RORA: variants seen among roughly 807,000 people sequenced by gnomAD.
The protein encoded by RORA is RAR related orphan receptor A.
In RORA, 7 loss-of-function variants were observed where a neutral mutation model predicts 69.5. The ratio of observed to expected loss-of-function variants is 0.10; its 90% CI spans 0.06 to 0.19. The LOEUF is 0.19. RORA is among the 10% of genes least tolerant of loss of function. The pLI, the probability that RORA is intolerant of heterozygous loss-of-function variation, is 1.00. For synonymous variants in RORA, 261 were observed against 240.8 expected, an observed-to-expected ratio of 1.08 and a Z score of -0.78; for missense variants, 457 against 663.0, an observed-to-expected ratio of 0.69 and a Z score of 3.41.
At chr15:61,175,541 T>TAA (rs75174095) in intron 1 of RORA, among the ~76,000 whole-genome samples, 18 of 120,194 alleles carry the variant, frequency 1.5e-4, no homozygotes, top group African/African-American at 4.1e-4. Context: ...ATCCTGTTTC[T>TAA]AAAAAAAAAA....
At chr15:60,763,096 T>TTTTTTTTTTTTTTTTTTTTTTA (rs375632043) in intron 1 of RORA, among the ~76,000 whole-genome samples, 2 of 109,366 alleles carry the variant, frequency 1.8e-5, no homozygotes, top group African/African-American at 2.9e-5. Flanking sequence ...TTTTTTTTTT[T>TTTTTTTTTTTTTTTTTTTTTTA]AACCAACCTA....
At chr15:60,569,037 G>A (rs940529797) in intron 2 of RORA, among the ~76,000 whole-genome samples, 5 of 151,380 alleles carry the variant, frequency 3.3e-5, no homozygotes, top group African/African-American at 1.2e-4. Context: ...TTTGTGGTTA[G>A]TGTCTTTTCA....
rs142749331 is a variant in RORA at position 60,774,198 on chromosome 15, A to T, written c.167-95512T>A. ...AGTTCCCTGCTTTCTACCTCAGGGA[A>T]CCTGATCATGTTATCGCTCTGAATG... On this transcript the variant is annotated intron_variant, in intron 1 of 10. Transcript: ENST00000335670. 1.3e-3 allele frequency among the ~76,000 whole-genome samples: 200 copies of T among 152,092 alleles called. 3 individuals carry two copies. The highest frequency in any genetic ancestry group is 2.3e-3 in the Non-Finnish European group (157 of 67,980).
intron 1 of RORA, among the ~76,000 whole-genome samples, chr15:60,867,903 C>G (rs2140432558): frequency 6.6e-6 from 1 of 152,228 alleles, no homozygotes. Context: ...CTTTCTTGTT[C>G]TATATAATAT....
At chr15:60,773,854 C>T (rs1399553900) in intron 1 of RORA, among the ~76,000 whole-genome samples, 1 of 152,166 alleles carries the variant, frequency 6.6e-6, no homozygotes, top group East Asian at 1.9e-4. Context: ...TGGAAATTTC[C>T]CAAGGGCAGA....
chr15:60,772,939 C>A (rs953278205), intron 1 of RORA, among the ~76,000 whole-genome samples: 35 of 152,202 alleles, frequency 2.3e-4, no homozygotes, highest in African/African-American at 8.4e-4. Context: ...ATCTTAATTG[C>A]CGATTAAGAT....
chr15:61,176,642 A>C (rs1013515813), intron 1 of RORA, among the ~76,000 whole-genome samples: 1 of 152,136 alleles, frequency 6.6e-6, no homozygotes, highest in Non-Finnish European at 1.5e-5. Flanking sequence ...TCAACTGCTT[A>C]AAAACATGCT....
At chr15:61,059,523 C>T (rs1386701321) in intron 1 of RORA, among the ~76,000 whole-genome samples, 1 of 152,184 alleles carries the variant, frequency 6.6e-6, no homozygotes, top group Non-Finnish European at 1.5e-5. Context: ...ATGAATGTTT[C>T]TGGAAGAATA....
intron 1 of RORA, among the ~76,000 whole-genome samples, chr15:60,873,015 T>G (rs1207553213): frequency 6.6e-6 from 1 of 152,170 alleles, no homozygotes; most frequent in Non-Finnish European, 1.5e-5. Flanking sequence ...TTTCCTCTTC[T>G]CCTTCTTCTT....
intron 1 of RORA, among the ~76,000 whole-genome samples, chr15:61,059,462 T>A (rs536793495): frequency 6.6e-6 from 1 of 152,248 alleles, no homozygotes; most frequent in Non-Finnish European, 1.5e-5. Context: ...CTGAGTAGCA[T>A]AGAGTTATTC....
At chr15:60,587,599 A>G (rs2068373343) in intron 2 of RORA, among the ~76,000 whole-genome samples, 1 of 152,188 alleles carries the variant, frequency 6.6e-6, no homozygotes, top group African/African-American at 2.4e-5. Context: ...ATGATGTAAG[A>G]GTGTTTGTAA....
intron 2 of RORA, among the ~76,000 whole-genome samples, chr15:60,659,801 C>G (rs1177237129): frequency 6.6e-6 from 1 of 152,204 alleles, no homozygotes; most frequent in Non-Finnish European, 1.5e-5. Flanking sequence ...TAATCTACCA[C>G]TATGTTCCCA....
At chr15:60,794,362 C>T (rs1272652545) in intron 1 of RORA, among the ~76,000 whole-genome samples, 1 of 152,190 alleles carries the variant, frequency 6.6e-6, no homozygotes, top group African/African-American at 2.4e-5. Flanking sequence ...TTTTAATTTG[C>T]TCCCATTACC....
At chr15:61,039,974 C>T (rs568296738) in intron 1 of RORA, among the ~76,000 whole-genome samples, 1 of 150,914 alleles carries the variant, frequency 6.6e-6, no homozygotes, top group East Asian at 2.0e-4. Context: ...TTAACTAATG[C>T]TATTTGGTAA....
In RORA at chr15:60,731,010, C is replaced by A. The variant is rs140075780; in HGVS notation, c.167-52324G>T. 6.6e-5 allele frequency among the ~76,000 whole-genome samples: 10 copies of A among 152,214 alleles called. No individual in the cohort carries two copies. The East Asian group carries it at 1.9e-3, about 29-fold the overall frequency. On this transcript the variant is annotated intron_variant, in intron 1 of 10. Transcript: ENST00000335670. ...ATATTTCATCACTCAGGTATTAAGC[C>A]TGATACCCATTAGTTATTCTTCCTA...
At chr15:61,126,271 T>G (rs1030973638) in intron 1 of RORA, among the ~76,000 whole-genome samples, 3 of 152,246 alleles carry the variant, frequency 2.0e-5, no homozygotes, top group Non-Finnish European at 4.4e-5. Flanking sequence ...ATGCACAATG[T>G]GTATACAACC....
At chr15:61,004,862 A>G (rs1429542239) in intron 1 of RORA, among the ~76,000 whole-genome samples, 2 of 152,238 alleles carry the variant, frequency 1.3e-5, no homozygotes, top group Admixed American at 1.3e-4. Context: ...ACTTTTTAAA[A>G]CTTATCCAAT....
At chr15:60,748,890 A>C (rs1436891023) in intron 1 of RORA, among the ~76,000 whole-genome samples, 1 of 152,202 alleles carries the variant, frequency 6.6e-6, no homozygotes, top group Non-Finnish European at 1.5e-5. Context: ...AGTGTTTTCC[A>C]GTACACGGAG....
chr15:60,627,656 C>A, intron 2 of RORA: 1 of 448,862 alleles, frequency 2.2e-6, no homozygotes, highest in Non-Finnish European at 2.9e-6. Flanking sequence ...TTTTCAATAC[C>A]AAATAGTTTG....
Sources: allele counts gnomAD v4.1 joint callset (sites outside exome capture counted in the v4.1 genomes callset), GRCh38; gene constraint gnomAD v4.1.1; transcripts MANE v1.5; gene names NCBI Gene and HGNC (gene_info 2026-07-23, HGNC 2026-07-21).